RHBDD1: variants seen among roughly 807,000 people sequenced by gnomAD.
RHBDD1 encodes the protein rhomboid-related protein 4.
In RHBDD1, 38 loss-of-function variants were observed where a neutral mutation model predicts 36.3. The ratio of observed to expected loss-of-function variants is 1.05; its 90% CI spans 0.81 to 1.37. The LOEUF is 1.37. RHBDD1 is among the 40% of genes most tolerant of loss of function. The probability of loss-of-function intolerance (pLI) is 0.00; values close to 1 mark genes in which losing one functional copy is unlikely to be tolerated. For synonymous variants in RHBDD1, 151 were observed against 136.5 expected (o/e 1.11, Z -0.74); for missense variants, 393 against 377.6 (o/e 1.04, Z -0.34).
chr2:226,923,109 A>G (rs1949439053), intron 8 of RHBDD1, among the ~76,000 whole-genome samples: 1 of 152,200 alleles, frequency 6.6e-6, no homozygotes, highest in Non-Finnish European at 1.5e-5. Flanking sequence ...GCTTACTATT[A>G]CCAGTGAATT....
intron 3 of RHBDD1, among the ~76,000 whole-genome samples, chr2:226,840,847 G>C (rs1941532842): frequency 6.6e-6 from 1 of 151,690 alleles, no homozygotes. Flanking sequence ...GTGTGGACTT[G>C]TGTGTATGTG....
At chr2:226,879,364 A>G (rs1945516878) in intron 5 of RHBDD1, among the ~76,000 whole-genome samples, 1 of 152,214 alleles carries the variant, frequency 6.6e-6, no homozygotes, top group Non-Finnish European at 1.5e-5. Flanking sequence ...AGAACAGGCC[A>G]TGATCATAGA....
intron 5 of RHBDD1, among the ~76,000 whole-genome samples, chr2:226,906,482 A>C (rs959221186): frequency 1.3e-5 from 2 of 152,232 alleles, no homozygotes; most frequent in African/African-American, 4.8e-5. Flanking sequence ...GTACAGAAAA[A>C]AAACGGAAAG....
chr2:226,952,828 G>T lies in RHBDD1; in HGVS notation c.856+38477G>T, dbSNP rs535765941. Among the ~76,000 whole-genome samples, 5 of 152,228 alleles carry T rather than the reference G, an allele frequency of 3.3e-5. No homozygotes were observed. The South Asian group carries it at 1.0e-3, about 32-fold the overall frequency. ...AGAGACAGGGAGGGAGGGAGAGGGG[G>T]TGGAGGGAACTAGTAAGGCATCAAC... On this transcript the variant is annotated intron_variant, in intron 8 of 8. Coordinates refer to ENST00000392062, the MANE Select transcript of RHBDD1 (RefSeq NM_001167608.3).
chr2:226,944,069 C>T (rs981592447), intron 8 of RHBDD1, among the ~76,000 whole-genome samples: 4 of 151,970 alleles, frequency 2.6e-5, no homozygotes, highest in South Asian at 4.1e-4. Context: ...CTGGTGGTAG[C>T]GACAGGGGGA....
At chr2:226,843,680 G>T (rs1391747946) in intron 3 of RHBDD1, among the ~76,000 whole-genome samples, 1 of 152,086 alleles carries the variant, frequency 6.6e-6, no homozygotes, top group Non-Finnish European at 1.5e-5. Flanking sequence ...CCAGTATTTT[G>T]TTGAGGATTT....
At chr2:226,981,526 A>G (rs1486422577) in intron 8 of RHBDD1, among the ~76,000 whole-genome samples, 3 of 151,710 alleles carry the variant, frequency 2.0e-5, no homozygotes. Flanking sequence ...ATGCAAACAC[A>G]TGCAGGCACA....
At chr2:226,905,424 T>C (rs61242361) in intron 5 of RHBDD1, among the ~76,000 whole-genome samples, 1 of 152,076 alleles carries the variant, frequency 6.6e-6, no homozygotes, top group Non-Finnish European at 1.5e-5. Flanking sequence ...CAGAGAGTGC[T>C]TGGGGGATGT....
chr2:226,869,886 C>G (rs1288974577), intron 5 of RHBDD1, among the ~76,000 whole-genome samples: 1 of 152,200 alleles, frequency 6.6e-6, no homozygotes, highest in Non-Finnish European at 1.5e-5. Flanking sequence ...CAGGCCACCT[C>G]TGGTGCCTCC....
intron 8 of RHBDD1, among the ~76,000 whole-genome samples, chr2:226,950,719 C>T (rs1457201195): frequency 6.6e-6 from 1 of 152,160 alleles, no homozygotes; most frequent in Non-Finnish European, 1.5e-5. Context: ...TTTCAATTAG[C>T]ATTTCCCTGA....
At chr2:226,941,555 C>T (rs978644643) in intron 8 of RHBDD1, among the ~76,000 whole-genome samples, 3 of 152,186 alleles carry the variant, frequency 2.0e-5, no homozygotes, top group African/African-American at 4.8e-5. Context: ...AGAAATCCCA[C>T]CTGAATTCCA....
chr2:226,985,769 G>A (rs1010792648), intron 8 of RHBDD1, among the ~76,000 whole-genome samples: 2 of 151,822 alleles, frequency 1.3e-5, no homozygotes, highest in Non-Finnish European at 2.9e-5. Flanking sequence ...CTGGAATGAG[G>A]GGTGCAGAAC....
At chr2:226,985,391 T>C (rs570750875) in intron 8 of RHBDD1, among the ~76,000 whole-genome samples, 14 of 152,358 alleles carry the variant, frequency 9.2e-5, no homozygotes, top group Middle Eastern at 3.4e-3. Flanking sequence ...TAATATTCAA[T>C]GCAGCAGCCT....
At chr2:226,939,666 A>G (rs1394076400) in intron 8 of RHBDD1, among the ~76,000 whole-genome samples, 2 of 152,374 alleles carry the variant, frequency 1.3e-5, no homozygotes, top group Admixed American at 6.5e-5. Flanking sequence ...GGAAGAATCA[A>G]TATCATGAAA....
intron 8 of RHBDD1, among the ~76,000 whole-genome samples, chr2:226,943,810 A>C (rs1017783883): frequency 8.5e-5 from 13 of 152,210 alleles, no homozygotes; most frequent in African/African-American, 2.9e-4. Flanking sequence ...TGAGATTGTG[A>C]CATTTGTCAG....
At chr2:226,995,230 T>C (rs1267952678) in intron 8 of RHBDD1, among the ~76,000 whole-genome samples, 2 of 152,244 alleles carry the variant, frequency 1.3e-5, no homozygotes, top group Non-Finnish European at 2.9e-5. Flanking sequence ...ATCAGATTCA[T>C]GGCTGAACCA....
In RHBDD1 at chr2:226,980,137, G is replaced by A. The variant is rs997633294; in HGVS notation, c.857-15294G>A. 2.6e-5 allele frequency among the ~76,000 whole-genome samples: 4 copies of A among 152,226 alleles called. No individual in the cohort carries two copies. In the South Asian group the frequency reaches 6.2e-4, roughly 24 times the overall value. ...CTTACCTTTCATTGCTTTGACCCAG[G>A]TGCTCATATCCTTTAATTCATTTGG... On this transcript the variant is annotated intron_variant, in intron 8 of 8. Coordinates refer to ENST00000392062, the MANE Select transcript of RHBDD1 (RefSeq NM_001167608.3).
chr2:226,981,560 G>GCA (rs1553600736), intron 8 of RHBDD1, among the ~76,000 whole-genome samples: 16 of 96,750 alleles, frequency 1.7e-4, no homozygotes, highest in African/African-American at 2.7e-4. Flanking sequence ...TCATCCACAT[G>GCA]CACACACATA....
At chr2:226,882,647 CT>C (rs1559228808) in intron 5 of RHBDD1, among the ~76,000 whole-genome samples, 1 of 151,922 alleles carries the variant, frequency 6.6e-6, no homozygotes, top group Non-Finnish European at 1.5e-5. Context: ...AATTTTACCT[CT>C]TATTAATGTC....
Sources: allele counts gnomAD v4.1 joint callset (sites outside exome capture counted in the v4.1 genomes callset), GRCh38; gene constraint gnomAD v4.1.1; transcripts MANE v1.5; gene names NCBI Gene and HGNC (gene_info 2026-07-23, HGNC 2026-07-21).